Variants in MCTP1 observed in about 807,000 individuals in gnomAD.
MCTP1 encodes the protein multiple C2 and transmembrane domain containing 1.
In MCTP1, 69 loss-of-function variants were observed where a neutral mutation model predicts 120.6. The ratio of observed to expected loss-of-function variants is 0.57; its 90% CI spans 0.47 to 0.70. The LOEUF (loss-of-function observed/expected upper bound fraction) is 0.70. Ranked by LOEUF, MCTP1 falls within the 30% of genes least tolerant of loss-of-function variation. The pLI, the probability that MCTP1 is intolerant of heterozygous loss-of-function variation, is 0.00. For missense variants in MCTP1, 1,203 were observed against 1,248.8 expected, an observed-to-expected ratio of 0.96 and a Z score of 0.55; for synonymous variants, 529 against 493.1, an observed-to-expected ratio of 1.07 and a Z score of -0.96.
intron 1 of MCTP1, among the ~76,000 whole-genome samples, chr5:95,249,108 A>T (rs1291191386): frequency 1.3e-5 from 2 of 152,206 alleles, no homozygotes; most frequent in African/African-American, 4.8e-5. Context: ...ATGAGTAAAG[A>T]CTTCATGACT....
chr5:95,008,455 T>A (rs1219165127), intron 2 of MCTP1, among the ~76,000 whole-genome samples: 1 of 152,120 alleles, frequency 6.6e-6, no homozygotes, highest in East Asian at 1.9e-4. Flanking sequence ...ATGTATTGAG[T>A]TCATCACAGG....
intron 1 of MCTP1, among the ~76,000 whole-genome samples, chr5:95,276,319 C>T (rs371154064): frequency 2.4e-5 from 3 of 124,364 alleles, no homozygotes; most frequent in Non-Finnish European, 3.1e-5. Flanking sequence ...AATGCAGTGG[C>T]GCTATCTCAG....
At chr5:94,787,928 TGAAGCATAGCAGAATGAATAAC>T (rs1778104228) in intron 18 of MCTP1, among the ~76,000 whole-genome samples, 1 of 152,190 alleles carries the variant, frequency 6.6e-6, no homozygotes, top group South Asian at 2.1e-4. Context: ...GTGAGGAAAT[TGAAGCATAGCAGAATGAATAAC>T]CTTGTATAGC....
At position 94,819,462 on chromosome 5, in the gene MCTP1, G is replaced by GAA. The variant is rs1785193785; in HGVS notation, c.2437-20331_2437-20330insTT. ...CTTCAAATTTATACTCCTTGTCTCT[G>GAA]ATTGGCTTCCCTTAGCACTCTTCAG... On this transcript the variant is annotated intron_variant, in intron 17 of 22. Coordinates refer to ENST00000515393, the MANE Select transcript of MCTP1 (RefSeq NM_024717.7). Among the ~76,000 whole-genome samples the GAA allele has an allele frequency of 2.0e-5, 3 of 152,046 alleles. No homozygotes were observed. In the South Asian group the frequency reaches 6.2e-4, roughly 32 times the overall value.
At chr5:94,942,822 A>G (rs903635873) in intron 3 of MCTP1, among the ~76,000 whole-genome samples, 2 of 152,058 alleles carry the variant, frequency 1.3e-5, no homozygotes, top group Non-Finnish European at 2.9e-5. Context: ...ACATTTTGTG[A>G]TATAGGACAA....
intron 1 of MCTP1, among the ~76,000 whole-genome samples, chr5:95,042,726 T>C (rs1387378091): frequency 6.6e-6 from 1 of 152,218 alleles, no homozygotes; most frequent in Non-Finnish European, 1.5e-5. Flanking sequence ...GCTATAGGAA[T>C]GAACATACGG....
At chr5:95,276,297 C>A (rs1467459866) in intron 1 of MCTP1, among the ~76,000 whole-genome samples, 1 of 107,850 alleles carries the variant, frequency 9.3e-6, no homozygotes, top group Non-Finnish European at 1.7e-5. Context: ...TCACTCTTGT[C>A]GCCCAGGCTG....
intron 17 of MCTP1, among the ~76,000 whole-genome samples, chr5:94,805,039 T>C (rs1305709326): frequency 6.6e-6 from 1 of 152,228 alleles, no homozygotes; most frequent in African/African-American, 2.4e-5. Context: ...GTTAAAACAA[T>C]TCAGTATTAA....
chr5:94,738,361 CA>C (rs1764748678), intron 19 of MCTP1, among the ~76,000 whole-genome samples: 1 of 152,060 alleles, frequency 6.6e-6, no homozygotes, highest in South Asian at 2.1e-4. Flanking sequence ...AAAAATGAAA[CA>C]AATTTGTTTG....
chr5:94,896,214 T>C (rs1803943561), intron 10 of MCTP1, among the ~76,000 whole-genome samples: 1 of 152,240 alleles, frequency 6.6e-6, no homozygotes, highest in East Asian at 1.9e-4. Flanking sequence ...CATTCAAACA[T>C]ATTCTCTAAT....
At chr5:95,172,819 A>G (rs1019842758) in intron 1 of MCTP1, among the ~76,000 whole-genome samples, 4 of 152,186 alleles carry the variant, frequency 2.6e-5, no homozygotes, top group African/African-American at 9.7e-5. Context: ...TGGTAGGGGC[A>G]GTGTTACCAT....
At chr5:95,060,319 G>T (rs1013943230) in intron 1 of MCTP1, among the ~76,000 whole-genome samples, 14 of 152,144 alleles carry the variant, frequency 9.2e-5, no homozygotes, top group African/African-American at 3.4e-4. Flanking sequence ...GGCATTCTGG[G>T]TGACTAGCTT....
chr5:95,179,677 C>T (rs977604670), intron 1 of MCTP1, among the ~76,000 whole-genome samples: 1 of 152,212 alleles, frequency 6.6e-6, no homozygotes, highest in East Asian at 1.9e-4. Context: ...TGCTAAAAGG[C>T]GCTCTAAATC....
At chr5:95,280,322 T>A (rs1383202637) in intron 1 of MCTP1, among the ~76,000 whole-genome samples, 1 of 152,224 alleles carries the variant, frequency 6.6e-6, no homozygotes, top group African/African-American at 2.4e-5. Context: ...AAAAATAGTT[T>A]ATCCTTTGTG....
intron 1 of MCTP1, among the ~76,000 whole-genome samples, chr5:95,271,947 C>T (rs1447183490): frequency 2.6e-5 from 4 of 152,086 alleles, no homozygotes; most frequent in Non-Finnish European, 5.9e-5. Flanking sequence ...AGTTTTCGTA[C>T]ATCTATTCAG....
intron 19 of MCTP1, among the ~76,000 whole-genome samples, chr5:94,731,688 G>A (rs1580360472): frequency 6.6e-6 from 1 of 152,096 alleles, no homozygotes; most frequent in African/African-American, 2.4e-5. Context: ...GTGACTTTTT[G>A]GCACATCTAC....
intron 1 of MCTP1, among the ~76,000 whole-genome samples, chr5:95,186,531 G>A (rs758058378): frequency 1.7e-4 from 26 of 152,084 alleles, no homozygotes; most frequent in Non-Finnish European, 3.7e-4. Context: ...AGAAATAAAT[G>A]GAGAGATATA....
intron 9 of MCTP1, among the ~76,000 whole-genome samples, chr5:94,911,480 A>G (rs1055850584): frequency 5.9e-5 from 9 of 152,252 alleles, no homozygotes; most frequent in Admixed American, 1.3e-4. Flanking sequence ...CATTCTCACA[A>G]CATCTGGTTG....
chr5:95,185,512 A>G (rs1440728773), intron 1 of MCTP1, among the ~76,000 whole-genome samples: 1 of 152,246 alleles, frequency 6.6e-6, no homozygotes, highest in East Asian at 1.9e-4. Flanking sequence ...GGCCAGGTGC[A>G]GTGGCTCATA....
Sources: gnomAD v4.1 joint callset for allele counts (sites outside exome capture counted in the v4.1 genomes callset) on GRCh38, gnomAD v4.1.1 for gene constraint, MANE v1.5 for transcripts, NCBI Gene and HGNC (gene_info 2026-07-23, HGNC 2026-07-21) for gene names.